The following RGMA variants were observed in gnomAD, a reference collection of about 807,000 sequenced individuals.
The protein encoded by RGMA is repulsive guidance molecule A.
In RGMA, 10 loss-of-function variants were observed where a neutral mutation model predicts 23.2. That is an observed-to-expected ratio of 0.43 (90% CI 0.27 to 0.73). RGMA has a LOEUF of 0.73. RGMA is among the 30% of genes least tolerant of loss of function. The probability of loss-of-function intolerance (pLI) is 0.20; values close to 1 mark genes in which losing one functional copy is unlikely to be tolerated. For missense variants in RGMA, 547 were observed against 630.5 expected (o/e 0.87, Z 1.42); for synonymous variants, 308 against 279.3 (o/e 1.10, Z -1.03).
In RGMA at chr15:93,045,856, C is replaced by T. The variant is rs2054817187; in HGVS notation, c.646-151G>A. Among the ~76,000 whole-genome samples the T allele has an allele frequency of 6.6e-6, 1 of 152,170 alleles. No individual in the cohort carries two copies. Among genetic ancestry groups the T allele is most frequent in the South Asian group, 2.1e-4 (1 of 4,834 alleles). Reference sequence around the variant, plus strand: ...TTCTCCAGGTTGGACAGATCAGTTCCACCTGCGCAGCTGTGCACTTCACAT... The same window carrying T: ...TTCTCCAGGTTGGACAGATCAGTTCTACCTGCGCAGCTGTGCACTTCACAT... On this transcript the variant is annotated intron_variant, in intron 3 of 3. Transcript: ENST00000329082. The surrounding 1 kb of genome is among the most constrained non-coding windows in gnomAD (Gnocchi z 6.9).
rs112126624 is a variant in RGMA at position 93,044,908 on chromosome 15, GC to G, written c.*89del. 1,297 of 1,123,278 alleles carry G rather than the reference GC, an allele frequency of 1.2e-3. 7 individuals carry two copies. The African/African-American group carries it at 0.018, about 15-fold the overall frequency. The allele number at this position is 1,123,278 out of a possible 1,614,324, so 69.6% of individuals were successfully genotyped here. ...CGTTCTGCGGGGCCATGGTGGACAC[GC>G]CAGGAGATCTGCACCCCGTGGGCGG... is the stretch of plus-strand genomic sequence containing the variant. On this transcript the variant is annotated 3_prime_UTR_variant, in exon 4 of 4. Coordinates refer to ENST00000329082, the MANE Select transcript of RGMA (RefSeq NM_020211.3).
chr15:93,075,583 T>C (rs1382104913), intron 1 of RGMA, among the ~76,000 whole-genome samples: 1 of 152,144 alleles, frequency 6.6e-6, no homozygotes, highest in African/African-American at 2.4e-5. Context: ...TTTTTTTTTT[T>C]CAGTTGGTTC....
At position 93,072,915 on chromosome 15, in the gene RGMA, C is replaced by A. The variant is rs754856734; in HGVS notation, c.130+1G>T. On this transcript the variant is annotated splice_donor_variant, in intron 2 of 3. Transcript: ENST00000329082. LOFTEE classifies it high-confidence loss of function. ...CGCGCGCCCGGCCGGCAGTGCCTTA[C>A]CTGCGGGGAAGCTGCAGAGAAGGAA... 1 of 1,605,564 alleles carries A rather than the reference C, an allele frequency of 6.2e-7. No individual in the cohort carries two copies. Among genetic ancestry groups the A allele is most frequent in the Non-Finnish European group, 8.5e-7 (1 of 1,176,394 alleles).
chr15:93,084,376 T>C (rs1895604561), intron 1 of RGMA, among the ~76,000 whole-genome samples: 1 of 152,256 alleles, frequency 6.6e-6, no homozygotes, highest in Non-Finnish European at 1.5e-5. Flanking sequence ...AGGTCTTCTA[T>C]TCTTACAAGC....
rs374523245 is a variant in RGMA, at chr15:93,043,349, T to C, written c.*1649A>G. 1.3e-5 allele frequency: 2 copies of C among 152,062 alleles called. No individual in the cohort carries two copies. The highest frequency in any genetic ancestry group is 4.8e-5 in the African/African-American group (2 of 41,260). The allele number at this position is 152,062 out of a possible 1,614,324, so 9.4% of individuals were successfully genotyped here. ...CAGGGGATCCCACCACCAAAGTCCA[T>C]CCTCCACCCGCCTCAAGGGAGCCAA... On this transcript the variant is annotated 3_prime_UTR_variant, in exon 4 of 4. Coordinates refer to ENST00000329082, the MANE Select transcript of RGMA (RefSeq NM_020211.3).
chr15:93,074,000 ACT>A (rs1263104320), intron 1 of RGMA: 23 of 1,382,838 alleles, frequency 1.7e-5, no homozygotes, highest in Non-Finnish European at 2.1e-5. Flanking sequence ...ACCTTTCCTA[ACT>A]CTGTCGCTTA....
In RGMA at chr15:93,045,020, G is replaced by A; in HGVS notation, c.1331C>T (p.Ala444Val). The stretch of plus-strand genomic sequence containing the variant: ...CGTCTAGCAGAACACAGGGAGCAGG[G>A]CCAGGAGCGGGACGAGGGCGCCCAG... ...PLLGALVPLL[A>V]LLPVFC Residue 444 changes from alanine to valine, a missense_variant, in exon 4 of 4, where the codon GCC (alanine) becomes GTC (valine). Transcript: ENST00000329082. The surrounding 1 kb of genome is among the most constrained non-coding windows in gnomAD (Gnocchi z 6.9). 6.2e-7 allele frequency: 1 copy of A among 1,600,634 alleles called. No homozygotes were observed. The highest frequency in any genetic ancestry group is 8.5e-7 in the Non-Finnish European group (1 of 1,174,058).
intron 2 of RGMA, among the ~76,000 whole-genome samples, chr15:93,056,849 T>G (rs927033932): frequency 5.9e-5 from 9 of 152,160 alleles, no homozygotes; most frequent in Admixed American, 2.6e-4. Context: ...GAGATGTACA[T>G]GGCGTGCCTG....
intron 2 of RGMA, among the ~76,000 whole-genome samples, chr15:93,057,273 ATGGT>A: frequency 6.6e-6 from 1 of 152,126 alleles, no homozygotes; most frequent in Non-Finnish European, 1.5e-5. Context: ...CCTAAATGTG[ATGGT>A]TGAAGTTCTA....
At chr15:93,072,833 C>G in intron 2 of RGMA, 83 bp downstream of exon 2, 1 of 1,457,636 alleles carries the variant, frequency 6.9e-7, no homozygotes, top group East Asian at 2.6e-5. Flanking sequence ...AACTTGAGCC[C>G]GGACTCACTC....
intron 2 of RGMA, among the ~76,000 whole-genome samples, chr15:93,056,113 C>T (rs776581575): frequency 5.9e-5 from 9 of 152,220 alleles, no homozygotes; most frequent in Non-Finnish European, 1.0e-4. Context: ...ACCAAGTTCC[C>T]AGGAGAGGCC....
At chr15:93,055,096 C>T (rs1015415730) in intron 2 of RGMA, among the ~76,000 whole-genome samples, 3 of 152,114 alleles carry the variant, frequency 2.0e-5, no homozygotes, top group African/African-American at 4.8e-5. Context: ...TCCAGGGGCC[C>T]GGTGTGCTGA....
intron 1 of RGMA, among the ~76,000 whole-genome samples, chr15:93,085,045 G>C (rs1895615831): frequency 6.6e-6 from 1 of 152,138 alleles, no homozygotes; most frequent in Non-Finnish European, 1.5e-5. Context: ...CCATCTTCAA[G>C]AAGAAATGTA....
intron 1 of RGMA, among the ~76,000 whole-genome samples, chr15:93,074,365 T>G (rs919623135): frequency 1.3e-5 from 2 of 151,032 alleles, no homozygotes; most frequent in Non-Finnish European, 2.9e-5. Flanking sequence ...AGGTCGGGAG[T>G]GTGGAGAGGA....
intron 3 of RGMA, among the ~76,000 whole-genome samples, chr15:93,051,306 A>G (rs1328662668): frequency 1.3e-5 from 2 of 152,148 alleles, no homozygotes; most frequent in African/African-American, 4.8e-5. Flanking sequence ...GGCTCTTCCT[A>G]GGAAAACAGA....
At chr15:93,053,217 A>G (rs2054957406) in intron 2 of RGMA, among the ~76,000 whole-genome samples, 1 of 152,186 alleles carries the variant, frequency 6.6e-6, no homozygotes, top group Non-Finnish European at 1.5e-5. Context: ...GATCCCTCAC[A>G]AGCTTTGAGA....
intron 2 of RGMA, among the ~76,000 whole-genome samples, chr15:93,054,540 T>C (rs2054981939): frequency 6.6e-6 from 1 of 152,228 alleles, no homozygotes; most frequent in African/African-American, 2.4e-5. Flanking sequence ...GCACATGCTC[T>C]CTTGCCTGCT....
chr15:93,066,400 C>CG, intron 2 of RGMA: 1 of 596,076 alleles, frequency 1.7e-6, no homozygotes. Context: ...GTGGGGGAAA[C>CG]GGGGGGCGGG....
At chr15:93,073,430 T>C (rs1251231783) in intron 1 of RGMA, 2 of 811,158 alleles carry the variant, frequency 2.5e-6, no homozygotes, top group East Asian at 6.3e-5. Flanking sequence ...AGCCCGCGGC[T>C]GTCCTTGCAA....
Sources: gnomAD v4.1 joint callset for allele counts (sites outside exome capture counted in the v4.1 genomes callset) on GRCh38, gnomAD v4.1.1 for gene constraint, Gnocchi (gnomAD v3.1) non-coding constraint, MANE v1.5 for transcripts, NCBI Gene and HGNC (gene_info 2026-07-23, HGNC 2026-07-21) for gene names.